The following PTPRT variants were observed in gnomAD, a reference collection of about 807,000 sequenced individuals.
PTPRT encodes receptor-type tyrosine-protein phosphatase T.
PTPRT carries 56 observed loss-of-function variants against 176.8 expected under a neutral mutation model. The observed-to-expected ratio is 0.32, with a 90% CI of 0.26 to 0.40. The LOEUF (loss-of-function observed/expected upper bound fraction) is 0.40, where lower values mean the gene tolerates loss of function less well. Among genes scored for constraint, PTPRT ranks in the 10% least tolerant of loss-of-function variants. PTPRT has a pLI of 1.00. For missense variants in PTPRT, 1,540 were observed against 1,908.2 expected, an observed-to-expected ratio of 0.81 and a Z score of 3.60; for synonymous variants, 783 against 739.0, an observed-to-expected ratio of 1.06 and a Z score of -0.96.
intron 1 of PTPRT, among the ~76,000 whole-genome samples, chr20:42,966,012 G>A (rs1982273460): frequency 1.3e-5 from 2 of 152,218 alleles, no homozygotes; most frequent in African/African-American, 4.8e-5. Context: ...TATGGTCTCA[G>A]TCCAGTGGGG....
chr20:42,106,961 G>A lies in PTPRT; in HGVS notation c.3255-40C>T, dbSNP rs776802049. The A allele has an allele frequency of 2.8e-5, 45 of 1,602,700 alleles. No individual in the cohort carries two copies. The South Asian group carries it at 5.0e-4, about 18-fold the overall frequency. On this transcript the variant is annotated intron_variant, in intron 23 of 30. Transcript: ENST00000373187. ...TGGTCTGTGTTAAGGATCTTCATGG[G>A]GGGAACCTGCCCTGGGGAGGCCCCT... is the stretch of plus-strand genomic sequence containing the variant.
the PTPRT span, among the ~76,000 whole-genome samples, chr20:42,066,291 C>T: frequency 6.6e-6 from 1 of 152,158 alleles, no homozygotes; most frequent in Non-Finnish European, 1.5e-5. Context: ...ATCTGCCCGC[C>T]TCAGCCTCCC....
At chr20:42,992,776 T>C (rs1173823830) in intron 1 of PTPRT, among the ~76,000 whole-genome samples, 1 of 152,206 alleles carries the variant, frequency 6.6e-6, no homozygotes, top group Non-Finnish European at 1.5e-5. Flanking sequence ...TTGATGTCAC[T>C]GGCACAACTG....
intron 14 of PTPRT, among the ~76,000 whole-genome samples, chr20:42,247,483 T>C (rs112372818): frequency 0.014 from 2,164 of 152,272 alleles, 45 homozygotes; most frequent in African/African-American, 0.05. Context: ...GGTATTCTGT[T>C]CCTTTGTTCT....
At chr20:43,089,005 AT>A (rs1443878262) in intron 1 of PTPRT, among the ~76,000 whole-genome samples, 2 of 152,194 alleles carry the variant, frequency 1.3e-5, no homozygotes, top group Non-Finnish European at 2.9e-5. Flanking sequence ...AAATAGAGTT[AT>A]TAATCCCTCC....
intron 1 of PTPRT, among the ~76,000 whole-genome samples, chr20:42,906,970 A>C (rs1203168839): frequency 6.6e-6 from 1 of 152,172 alleles, no homozygotes; most frequent in Non-Finnish European, 1.5e-5. Context: ...CATCTAACAA[A>C]GAGCACACCA....
intron 2 of PTPRT, among the ~76,000 whole-genome samples, chr20:42,804,722 C>T (rs1339472368): frequency 6.6e-6 from 1 of 152,230 alleles, no homozygotes; most frequent in Non-Finnish European, 1.5e-5. Context: ...TCCATGCCCT[C>T]CCCTAGCTTC....
chr20:42,582,544 C>T (rs1051897848), intron 7 of PTPRT, among the ~76,000 whole-genome samples: 5 of 152,164 alleles, frequency 3.3e-5, no homozygotes, highest in Admixed American at 1.3e-4. Flanking sequence ...CTATCCCTCA[C>T]GTGGGTTGAG....
intron 13 of PTPRT, among the ~76,000 whole-genome samples, chr20:42,276,098 G>T (rs1209061916): frequency 6.6e-6 from 1 of 152,118 alleles, no homozygotes; most frequent in Admixed American, 6.5e-5. Context: ...ATTTGGACAT[G>T]CTATGCTCCT....
chr20:42,722,395 A>G (rs1293435554), intron 6 of PTPRT, among the ~76,000 whole-genome samples: 1 of 152,170 alleles, frequency 6.6e-6, no homozygotes, highest in East Asian at 1.9e-4. Flanking sequence ...TCCCCTGGAC[A>G]TTAGCAACTG....
intron 8 of PTPRT, among the ~76,000 whole-genome samples, chr20:42,463,270 T>C (rs747464856): frequency 1.7e-4 from 26 of 152,166 alleles, no homozygotes; most frequent in Non-Finnish European, 2.8e-4. Flanking sequence ...TTCCATTCCT[T>C]TTTCTTTGTA....
intron 1 of PTPRT, among the ~76,000 whole-genome samples, chr20:42,894,041 A>T (rs189649273): frequency 0.053 from 5,132 of 96,752 alleles, 307 homozygotes; most frequent in African/African-American, 0.13. Context: ...TTAAAAAATT[A>T]AAAAAAAAAG....
chr20:42,581,586 A>G (rs1434565965), intron 7 of PTPRT, among the ~76,000 whole-genome samples: 1 of 152,004 alleles, frequency 6.6e-6, no homozygotes, highest in East Asian at 1.9e-4. Context: ...CTAAGTCACA[A>G]AGTCATTTTT....
At chr20:43,018,450 GAA>G (rs1985479128) in intron 1 of PTPRT, among the ~76,000 whole-genome samples, 1 of 152,220 alleles carries the variant, frequency 6.6e-6, no homozygotes, top group African/African-American at 2.4e-5. Flanking sequence ...TCTGAAGGAT[GAA>G]AAGACTATTT....
intron 9 of PTPRT, among the ~76,000 whole-genome samples, chr20:42,354,620 C>T (rs1317204534): frequency 2.0e-5 from 3 of 152,176 alleles, no homozygotes; most frequent in Non-Finnish European, 4.4e-5. Context: ...CAACTGAATT[C>T]AAGTCAGGCC....
intron 8 of PTPRT, among the ~76,000 whole-genome samples, chr20:42,451,098 C>G (rs968867129): frequency 6.6e-6 from 1 of 152,064 alleles, no homozygotes; most frequent in Admixed American, 6.6e-5. Flanking sequence ...AGTTAGGAGG[C>G]TGTCATTGTC....
intron 6 of PTPRT, among the ~76,000 whole-genome samples, chr20:42,690,318 G>T (rs1157308056): frequency 6.6e-6 from 1 of 152,140 alleles, no homozygotes; most frequent in Non-Finnish European, 1.5e-5. Context: ...TGAATAATGG[G>T]TCTAAGGGAG....
intron 15 of PTPRT, among the ~76,000 whole-genome samples, chr20:42,225,292 C>T (rs2055980671): frequency 6.6e-6 from 1 of 152,154 alleles, no homozygotes; most frequent in Non-Finnish European, 1.5e-5. Flanking sequence ...TATCAAACCA[C>T]TGCTTTGTTC....
At chr20:43,141,172 T>A (rs1310151406) in intron 1 of PTPRT, among the ~76,000 whole-genome samples, 1 of 152,250 alleles carries the variant, frequency 6.6e-6, no homozygotes, top group Admixed American at 6.5e-5. Flanking sequence ...TGGTCATTAA[T>A]TCAACCATGT....
Sources: allele counts gnomAD v4.1 joint callset (sites outside exome capture counted in the v4.1 genomes callset), GRCh38; gene constraint gnomAD v4.1.1; transcripts MANE v1.5; gene names NCBI Gene and HGNC (gene_info 2026-07-23, HGNC 2026-07-21).